The following ADGRB3 variants were observed in gnomAD, a reference collection of about 807,000 sequenced individuals.
The protein encoded by ADGRB3 is adhesion G protein-coupled receptor B3.
Under a neutral mutation model 193.4 loss-of-function variants are expected in ADGRB3, and 37 were observed. The observed-to-expected ratio is 0.19, with a 90% confidence interval of 0.15 to 0.25. ADGRB3 has a LOEUF of 0.25. Among genes scored for constraint, ADGRB3 ranks in the 10% least tolerant of loss-of-function variants. The probability of loss-of-function intolerance (pLI) is 1.00; values close to 1 mark genes in which losing one functional copy is unlikely to be tolerated. For synonymous variants in ADGRB3, 690 were observed against 644.2 expected (o/e 1.07, Z -1.08); for missense variants, 1,637 against 1,852.9 (o/e 0.88, Z 2.14).
intron 3 of ADGRB3, among the ~76,000 whole-genome samples, chr6:68,782,018 T>A (rs1028946471): frequency 6.6e-6 from 1 of 151,890 alleles, no homozygotes; most frequent in Non-Finnish European, 1.5e-5. Flanking sequence ...ATGTGCACAA[T>A]GTGCAGGTTT....
chr6:69,373,988 C>G (rs1165765163), intron 30 of ADGRB3, among the ~76,000 whole-genome samples: 2 of 152,050 alleles, frequency 1.3e-5, no homozygotes, highest in African/African-American at 2.4e-5. Flanking sequence ...ATTCCTTAAG[C>G]TGATACTTAC....
At chr6:68,981,843 T>TATTTA (rs1768918784) in intron 10 of ADGRB3, among the ~76,000 whole-genome samples, 1 of 143,182 alleles carries the variant, frequency 7.0e-6, no homozygotes. Context: ...AATACCTATT[T>TATTTA]TGTTATTTAT....
At chr6:69,242,260 A>G (rs1169653483) in intron 20 of ADGRB3, among the ~76,000 whole-genome samples, 1 of 151,956 alleles carries the variant, frequency 6.6e-6, no homozygotes, top group Non-Finnish European at 1.5e-5. Context: ...ATATTGTTCA[A>G]TAACTAAAGT....
chr6:69,323,953 A>G (rs974670816), intron 20 of ADGRB3, among the ~76,000 whole-genome samples: 3 of 151,958 alleles, frequency 2.0e-5, no homozygotes, highest in African/African-American at 4.8e-5. Flanking sequence ...TTGTTTTGCC[A>G]TTTTCCGTTT....
At chr6:69,050,849 T>C (rs1771373008) in intron 15 of ADGRB3, among the ~76,000 whole-genome samples, 1 of 152,206 alleles carries the variant, frequency 6.6e-6, no homozygotes, top group Non-Finnish European at 1.5e-5. Context: ...TTCTCCCTAT[T>C]TGCTCTTGAG....
At chr6:69,037,675 C>G (rs906206833) in intron 13 of ADGRB3, among the ~76,000 whole-genome samples, 1 of 152,080 alleles carries the variant, frequency 6.6e-6, no homozygotes, top group Admixed American at 6.6e-5. Flanking sequence ...CTGCCTGTCT[C>G]TCTTTCTGTC....
At chr6:69,388,594 A>G (rs1405547087) in intron 31 of ADGRB3, 109 bp from the exon 32 acceptor site, 3 of 1,069,838 alleles carry the variant, frequency 2.8e-6, no homozygotes, top group African/African-American at 3.2e-5. Context: ...TCATCTCTGC[A>G]TCACAGAAAC....
chr6:68,881,937 A>AT (rs1339215663), intron 3 of ADGRB3, among the ~76,000 whole-genome samples: 1 of 152,170 alleles, frequency 6.6e-6, no homozygotes, highest in African/African-American at 2.4e-5. Context: ...TTACATCGAG[A>AT]TTTTTATGTA....
At chr6:68,816,607 T>G (rs1767635480) in intron 3 of ADGRB3, among the ~76,000 whole-genome samples, 1 of 152,018 alleles carries the variant, frequency 6.6e-6, no homozygotes, top group African/African-American at 2.4e-5. Flanking sequence ...TCCTTCTCTT[T>G]ACTTTGCCTT....
intron 26 of ADGRB3, among the ~76,000 whole-genome samples, chr6:69,343,907 T>C (rs1582645210): frequency 6.6e-6 from 1 of 152,204 alleles, no homozygotes; most frequent in Non-Finnish European, 1.5e-5. Context: ...TTTATTTGAA[T>C]TAAACAGATA....
At chr6:69,330,708 G>C (rs1768701856) in intron 23 of ADGRB3, 136 bp downstream of exon 23, 1 of 527,244 alleles carries the variant, frequency 1.9e-6, no homozygotes, top group Non-Finnish European at 3.2e-6. Context: ...TATTCTAATT[G>C]AATATAAATT....
intron 3 of ADGRB3, among the ~76,000 whole-genome samples, chr6:68,836,208 A>G (rs529021057): frequency 1.3e-5 from 2 of 152,022 alleles, no homozygotes; most frequent in East Asian, 3.9e-4. Context: ...CCCTTTGATA[A>G]ATGACTCTGG....
chr6:68,968,947 A>T (rs1215226528), intron 8 of ADGRB3, among the ~76,000 whole-genome samples: 1 of 152,184 alleles, frequency 6.6e-6, no homozygotes, highest in Non-Finnish European at 1.5e-5. Context: ...ACATTTTCCT[A>T]GCACCTACCA....
intron 17 of ADGRB3, among the ~76,000 whole-genome samples, chr6:69,209,548 G>A (rs1006939546): frequency 6.6e-6 from 1 of 152,198 alleles, no homozygotes; most frequent in Non-Finnish European, 1.5e-5. Flanking sequence ...CAATGTAATG[G>A]ACCAGTGTGA....
At chr6:69,097,727 T>C (rs912279927) in intron 17 of ADGRB3, among the ~76,000 whole-genome samples, 2 of 152,102 alleles carry the variant, frequency 1.3e-5, no homozygotes, top group Admixed American at 6.6e-5. Context: ...TATATGGCTA[T>C]ATGGCTGCTG....
intron 3 of ADGRB3, among the ~76,000 whole-genome samples, chr6:68,879,686 T>G (rs1765684868): frequency 6.6e-6 from 1 of 152,174 alleles, no homozygotes; most frequent in Non-Finnish European, 1.5e-5. Flanking sequence ...ACTTTCTTTG[T>G]TGCAACATGA....
chr6:69,213,876 T>C (rs1446204369), intron 17 of ADGRB3, among the ~76,000 whole-genome samples: 2 of 152,092 alleles, frequency 1.3e-5, no homozygotes, highest in East Asian at 3.9e-4. Flanking sequence ...CGAACCCTCA[T>C]TTACCACCCA....
Position 69,325,010 on chromosome 6 carries a change from T to G in ADGRB3, c.2953T>G (p.Cys985Gly). 6.2e-7 allele frequency: 1 copy of G among 1,613,722 alleles called. No individual in the cohort carries two copies. The highest frequency in any genetic ancestry group is 1.1e-5 in the South Asian group (1 of 91,044). ...ACGGCTTATAAGAAAACGCTTTTTGTGCCTTGGATGGGGTAAGCATATTGA... is the reference window on the plus strand; with the variant it reads ...ACGGCTTATAAGAAAACGCTTTTTGGGCCTTGGATGGGGTAAGCATATTGA... The part of the protein sequence containing the change: ...RTRLIRKRFL[C>G]LGWGLPALVV... The change falls in exon 21 of 32, where the codon TGC becomes GGC. Residue 985 changes from cysteine (C) to glycine (G), a missense_variant. Cys to Gly is a radical substitution (Grantham distance 159, BLOSUM62 -3). Around this residue, in one of 7 missense-constraint regions of ADGRB3, gnomAD observed 87 missense variants for 161.0 expected, o/e 0.54. Transcript: ENST00000370598.
At chr6:69,289,880 TGA>T (rs1252598118) in intron 20 of ADGRB3, among the ~76,000 whole-genome samples, 2 of 152,044 alleles carry the variant, frequency 1.3e-5, no homozygotes, top group East Asian at 3.9e-4. Flanking sequence ...TGCGGTGATG[TGA>T]GTCAGTGTGT....
Sources: gnomAD v4.1 joint callset for allele counts (sites outside exome capture counted in the v4.1 genomes callset) on GRCh38, gnomAD v4.1.1 for gene constraint, gnomAD v4.1.1 regional missense constraint, MANE v1.5 for transcripts, NCBI Gene and HGNC (gene_info 2026-07-23, HGNC 2026-07-21) for gene names.